The following MELK variants were observed in gnomAD, a reference collection of about 807,000 sequenced individuals.
MELK encodes the protein maternal embryonic leucine zipper kinase.
A neutral mutation model predicts 85.0 loss-of-function variants in MELK; 81 were observed. The ratio of observed to expected loss-of-function variants is 0.95; its 90% CI spans 0.80 to 1.15. The LOEUF (loss-of-function observed/expected upper bound fraction) is 1.15, where lower values mean the gene tolerates loss of function less well. MELK is among the 50% of genes most tolerant of loss of function. The pLI, the probability that MELK is intolerant of heterozygous loss-of-function variation, is 0.00. For missense variants in MELK, 754 were observed against 777.5 expected (o/e 0.97, Z 0.36); for synonymous variants, 252 against 265.0 (o/e 0.95, Z 0.48).
intron 8 of MELK, among the ~76,000 whole-genome samples, chr9:36,626,644 G>A (rs1827954187): frequency 6.6e-6 from 1 of 151,912 alleles, no homozygotes; most frequent in African/African-American, 2.4e-5. Context: ...TCTATATCTT[G>A]TTATTGGGCC....
chr9:36,609,984 G>A (rs1337462850), intron 8 of MELK, among the ~76,000 whole-genome samples: 2 of 152,122 alleles, frequency 1.3e-5, no homozygotes, highest in African/African-American at 4.8e-5. Context: ...GGCTCTGGGA[G>A]GGCATCTTAG....
intron 11 of MELK, among the ~76,000 whole-genome samples, chr9:36,650,460 T>C (rs1209771088): frequency 6.6e-6 from 1 of 152,114 alleles, no homozygotes; most frequent in Non-Finnish European, 1.5e-5. Flanking sequence ...ACAAAAAGGC[T>C]GGAGAATCAA....
intron 7 of MELK, among the ~76,000 whole-genome samples, chr9:36,606,383 A>G (rs1385131604): frequency 2.2e-5 from 3 of 135,882 alleles, no homozygotes; most frequent in Admixed American, 7.4e-5. Context: ...ATAGGTGTGT[A>G]TATAATATAT....
intron 3 of MELK, among the ~76,000 whole-genome samples, chr9:36,585,954 G>T (rs952945037): frequency 6.6e-6 from 1 of 151,624 alleles, no homozygotes; most frequent in African/African-American, 2.4e-5. Flanking sequence ...GTTTTTTTTT[G>T]ATGTTTTTAT....
intron 3 of MELK, 70 bp from the exon 4 acceptor site, chr9:36,589,465 CT>C (rs1823304835): frequency 1.6e-6 from 2 of 1,243,226 alleles, no homozygotes; most frequent in South Asian, 2.4e-5. Flanking sequence ...AGTATTAAAG[CT>C]GTTAGTATTG....
chr9:36,647,057 A>C (rs889317652), intron 11 of MELK, among the ~76,000 whole-genome samples: 17 of 152,224 alleles, frequency 1.1e-4, no homozygotes, highest in Non-Finnish European at 1.5e-4. Context: ...GTTATTGAAC[A>C]CAGAACTCTC....
At chr9:36,595,035 C>T (rs7018550) in intron 5 of MELK, among the ~76,000 whole-genome samples, 33,902 of 149,046 alleles carry the variant, frequency 0.23, 6,223 homozygotes, top group African/African-American at 0.51. Flanking sequence ...CAAGCAGTTC[C>T]CCTGCCTCAG....
chr9:36,627,053 A>AACACACACACACACACACAC lies in MELK; in HGVS notation c.667-3229_667-3210dup, dbSNP rs10608377. 1.9e-3 allele frequency among the ~76,000 whole-genome samples: 264 copies of AACACACACACACACACACAC among 140,952 alleles called. 4 individuals are homozygous for AACACACACACACACACACAC. The highest frequency in any genetic ancestry group is 0.011 in the Middle Eastern group (3 of 280). 92.5% of individuals were successfully genotyped at this position (140,952 alleles called of 152,430 possible). On this transcript the variant is annotated intron_variant, in intron 8 of 17. Coordinates refer to ENST00000298048, the MANE Select transcript of MELK (RefSeq NM_014791.4). ...GAAGACAAGGACAAGCACAAGCGCA[A>AACACACACACACACACACAC]ACACACACACACACACACACACACA...
At chr9:36,612,543 G>A (rs1826158929) in intron 8 of MELK, among the ~76,000 whole-genome samples, 2 of 152,078 alleles carry the variant, frequency 1.3e-5, no homozygotes, top group Admixed American at 1.3e-4. Context: ...GTGCCACCAA[G>A]CTCAGCTAAT....
intron 15 of MELK, among the ~76,000 whole-genome samples, chr9:36,670,341 A>T (rs938254187): frequency 6.6e-6 from 1 of 152,188 alleles, no homozygotes; most frequent in Non-Finnish European, 1.5e-5. Flanking sequence ...ATTTCAGAAC[A>T]AAAGGATAAA....
rs747113083 is a variant in MELK at position 36,583,602 on chromosome 9, T to C, written c.59-25T>C. ...TTTGTGCCTGAGTCCTTGCTTATGC[T>C]TTCATAATACATTTTCCTACTTAGG... On this transcript the variant is annotated intron_variant, in intron 2 of 17. Transcript: ENST00000298048. 6 of 1,538,974 alleles carry C rather than the reference T, an allele frequency of 3.9e-6. No homozygotes were observed. In the African/African-American group the frequency reaches 8.2e-5, roughly 21 times the overall value.
intron 4 of MELK, among the ~76,000 whole-genome samples, chr9:36,590,995 G>A (rs1823480932): frequency 6.6e-6 from 1 of 152,176 alleles, no homozygotes; most frequent in African/African-American, 2.4e-5. Flanking sequence ...AGGAGGCTGA[G>A]GCGGGAGAAT....
At chr9:36,590,236 T>C (rs1385929187) in intron 4 of MELK, among the ~76,000 whole-genome samples, 1 of 152,108 alleles carries the variant, frequency 6.6e-6, no homozygotes, top group Non-Finnish European at 1.5e-5. Context: ...TAGTTTTATA[T>C]GGTATATTAA....
chr9:36,657,043 G>A (rs1353020064), intron 12 of MELK, among the ~76,000 whole-genome samples, 198 bp from the exon 13 acceptor site: 1 of 152,244 alleles, frequency 6.6e-6, no homozygotes. Context: ...ATAACGTACA[G>A]CCTAGGTGTG....
intron 8 of MELK, among the ~76,000 whole-genome samples, chr9:36,623,530 G>A (rs145519031): frequency 1.9e-4 from 29 of 152,326 alleles, no homozygotes; most frequent in African/African-American, 6.7e-4. Context: ...CTCTACAGAG[G>A]TGTTCTGCCC....
At chr9:36,626,954 A>G (rs1161918289) in intron 8 of MELK, among the ~76,000 whole-genome samples, 1 of 148,482 alleles carries the variant, frequency 6.7e-6, no homozygotes, top group Non-Finnish European at 1.5e-5. Flanking sequence ...GTGAAACTCC[A>G]TCTCAAGAAG....
intron 1 of MELK, among the ~76,000 whole-genome samples, chr9:36,578,735 T>A (rs1178110005): frequency 6.6e-6 from 1 of 152,224 alleles, no homozygotes; most frequent in Non-Finnish European, 1.5e-5. Flanking sequence ...CTGGCAGGGC[T>A]GATTTTCTCA....
In MELK at chr9:36,599,414, A is replaced by G. The variant is rs1453328038; in HGVS notation, c.495A>G (p.Leu165=). 1.2e-6 allele frequency: 2 copies of G among 1,613,042 alleles called. No individual in the cohort carries two copies. Among genetic ancestry groups the G allele is most frequent in the Non-Finnish European group, 1.7e-6 (2 of 1,179,348 alleles). ...GGCAGGGTAACAAGGATTACCATCT[A>G]CAGACATGCTGTGGGAGTCTGGCTT... ...AKPKGNKDYH[L]QTCCGSLAYA... The change falls in exon 7 of 18, where the codon CTA becomes CTG. Residue 165 remains leucine, a synonymous_variant. Coordinates refer to ENST00000298048, the MANE Select transcript of MELK (RefSeq NM_014791.4).
At chr9:36,576,439 C>A (rs908203333) in intron 1 of MELK, among the ~76,000 whole-genome samples, 1 of 152,094 alleles carries the variant, frequency 6.6e-6, no homozygotes. Context: ...GAAGACTGAA[C>A]CTTGTTTTTT....
Sources: gnomAD v4.1 joint callset for allele counts (sites outside exome capture counted in the v4.1 genomes callset) on GRCh38, gnomAD v4.1.1 for gene constraint, MANE v1.5 for transcripts, NCBI Gene and HGNC (gene_info 2026-07-23, HGNC 2026-07-21) for gene names.